PLCXD3: variants seen among roughly 807,000 people sequenced by gnomAD.
PLCXD3 encodes PI-PLC X domain-containing protein 3.
A neutral mutation model predicts 25.5 loss-of-function variants in PLCXD3; 19 were observed. The observed-to-expected ratio is 0.75, with a 90% confidence interval of 0.52 to 1.09. The LOEUF (loss-of-function observed/expected upper bound fraction) is 1.09. PLCXD3 is among the 50% of genes least tolerant of loss of function. The pLI is 0.00. For synonymous variants in PLCXD3, 174 were observed against 137.6 expected (o/e 1.26, Z -1.85); for missense variants, 411 against 388.1 (o/e 1.06, Z -0.50).
At chr5:41,456,593 C>T (rs1747759253) in intron 1 of PLCXD3, 1 of 870,982 alleles carries the variant, frequency 1.1e-6, no homozygotes, top group Non-Finnish European at 1.4e-6. Context: ...CCCCCTGACA[C>T]TCCAAATTCA....
intron 1 of PLCXD3, among the ~76,000 whole-genome samples, chr5:41,434,105 A>G (rs1472827742): frequency 1.3e-5 from 2 of 152,198 alleles, no homozygotes; most frequent in Non-Finnish European, 2.9e-5. Context: ...AGCTGCTGAC[A>G]AAGATCCTGG....
At chr5:41,487,159 T>C (rs1748538320) in intron 1 of PLCXD3, among the ~76,000 whole-genome samples, 1 of 152,196 alleles carries the variant, frequency 6.6e-6, no homozygotes, top group South Asian at 2.1e-4. Context: ...AGTGCCATAA[T>C]GGCTAAAAAT....
At chr5:41,375,179 A>AAG (rs1745254008) in intron 2 of PLCXD3, among the ~76,000 whole-genome samples, 8 of 98,104 alleles carry the variant, frequency 8.2e-5, no homozygotes, top group Non-Finnish European at 1.6e-4. Flanking sequence ...GAGAAAGAGA[A>AAG]AGAGAGAGAG....
intron 1 of PLCXD3, among the ~76,000 whole-genome samples, chr5:41,505,248 TTAAC>T (rs143031875): frequency 0.011 from 1,725 of 152,146 alleles, 29 homozygotes; most frequent in African/African-American, 0.039. Flanking sequence ...TGTGTGAAGT[TTAAC>T]TATTTTAGAA....
chr5:41,448,721 T>G (rs1273624757), intron 1 of PLCXD3, among the ~76,000 whole-genome samples: 1 of 152,218 alleles, frequency 6.6e-6, no homozygotes, highest in East Asian at 1.9e-4. Flanking sequence ...AAATCTAATG[T>G]ATGCCTTTAA....
At chr5:41,423,702 T>C (rs1001380758) in intron 1 of PLCXD3, among the ~76,000 whole-genome samples, 25 of 152,308 alleles carry the variant, frequency 1.6e-4, no homozygotes, top group African/African-American at 5.8e-4. Flanking sequence ...TCCCAGCACT[T>C]TGGGAGGCCG....
chr5:41,452,061 A>G (rs1189836246), intron 1 of PLCXD3, among the ~76,000 whole-genome samples: 3 of 152,040 alleles, frequency 2.0e-5, no homozygotes, highest in African/African-American at 4.8e-5. Flanking sequence ...ACCCCAAGGT[A>G]TTGGTGCCAG....
chr5:41,431,979 G>T (rs73079717), intron 1 of PLCXD3, among the ~76,000 whole-genome samples: 13 of 152,128 alleles, frequency 8.5e-5, no homozygotes, highest in Non-Finnish European at 1.9e-4. Context: ...TGAGCAAGAG[G>T]ACCACGCAGG....
chr5:41,457,495 T>G (rs185821615), intron 1 of PLCXD3, among the ~76,000 whole-genome samples: 1 of 151,968 alleles, frequency 6.6e-6, no homozygotes, highest in East Asian at 1.9e-4. Flanking sequence ...GAGTACACCC[T>G]TCCCCAGCAT....
intron 2 of PLCXD3, among the ~76,000 whole-genome samples, chr5:41,338,779 A>G (rs957538): frequency 0.029 from 4,376 of 152,208 alleles, 201 homozygotes; most frequent in African/African-American, 0.1. Context: ...TTCTTCTTAA[A>G]TACCCCCATT....
At chr5:41,465,386 T>TTTTTTTTTG (rs1747994262) in intron 1 of PLCXD3, among the ~76,000 whole-genome samples, 1 of 117,076 alleles carries the variant, frequency 8.5e-6, no homozygotes, top group Non-Finnish European at 1.8e-5. Context: ...TTTTTTTTTT[T>TTTTTTTTTG]GCATTTCTAC....
intron 2 of PLCXD3, among the ~76,000 whole-genome samples, chr5:41,351,583 T>A (rs1189305326): frequency 6.6e-6 from 1 of 152,118 alleles, no homozygotes; most frequent in Non-Finnish European, 1.5e-5. Context: ...GGATTTTAGG[T>A]CCAACTCTAC....
intron 1 of PLCXD3, among the ~76,000 whole-genome samples, chr5:41,493,796 A>G (rs1280397238): frequency 6.6e-6 from 1 of 152,196 alleles, no homozygotes; most frequent in Non-Finnish European, 1.5e-5. Flanking sequence ...GGAAAAGCGC[A>G]GTATTGGGGT....
intron 2 of PLCXD3, among the ~76,000 whole-genome samples, chr5:41,351,948 A>G (rs906478238): frequency 6.6e-6 from 1 of 152,194 alleles, no homozygotes; most frequent in Non-Finnish European, 1.5e-5. Flanking sequence ...AAAGGAGCAA[A>G]ATAATTGCAA....
At chr5:41,442,002 A>C in intron 1 of PLCXD3, among the ~76,000 whole-genome samples, 1 of 152,214 alleles carries the variant, frequency 6.6e-6, no homozygotes, top group East Asian at 1.9e-4. Flanking sequence ...TTAGATTTTC[A>C]GTATCAGACC....
chr5:41,452,095 C>G (rs2150514453), intron 1 of PLCXD3, among the ~76,000 whole-genome samples: 1 of 152,162 alleles, frequency 6.6e-6, no homozygotes, highest in East Asian at 1.9e-4. Context: ...ATGGTGAAAG[C>G]AGACTGAACA....
chr5:41,435,399 G>A (rs1747223784), intron 1 of PLCXD3, among the ~76,000 whole-genome samples: 1 of 152,178 alleles, frequency 6.6e-6, no homozygotes. Context: ...ACCTGCCCTT[G>A]AAACCTAAGA....
In PLCXD3 at chr5:41,492,981, G is replaced by A. The variant is rs554713644; in HGVS notation, c.103+17443C>T. ...TGTTCCATTGCTGGTGAGGAACTGC[G>A]TTCCTTTGGAGGAGGAGAGGCGCTC... is the stretch of plus-strand genomic sequence containing the variant. On this transcript the variant is annotated intron_variant, in intron 1 of 2. Transcript: ENST00000377801. 1.4e-4 allele frequency among the ~76,000 whole-genome samples: 22 copies of A among 152,340 alleles called. No individual in the cohort carries two copies. In the East Asian group the frequency reaches 2.5e-3, roughly 17 times the overall value.
chr5:41,403,404 T>TTTGTTTTTGTTTTTTG (rs1424890397), intron 1 of PLCXD3, among the ~76,000 whole-genome samples: 1 of 34,602 alleles, frequency 2.9e-5, no homozygotes, highest in African/African-American at 1.0e-4. Context: ...ATTTGTTGTT[T>TTTGTTTTTGTTTTTTG]TTTTTTTTTT....
Sources: gnomAD v4.1 joint callset for allele counts (sites outside exome capture counted in the v4.1 genomes callset) on GRCh38, gnomAD v4.1.1 for gene constraint, MANE v1.5 for transcripts, NCBI Gene and HGNC (gene_info 2026-07-23, HGNC 2026-07-21) for gene names.